Variants in TAF4B observed in about 807,000 individuals in gnomAD.
TAF4B encodes TATA-box binding protein associated factor 4b.
In TAF4B, 38 loss-of-function variants were observed where a neutral mutation model predicts 86.4. The ratio of observed to expected loss-of-function variants is 0.44; its 90% CI spans 0.34 to 0.58. The LOEUF (loss-of-function observed/expected upper bound fraction) is 0.58, where lower values mean the gene tolerates loss of function less well. TAF4B is among the 20% of genes least tolerant of loss of function. The pLI is 0.02. For missense variants in TAF4B, 988 were observed against 1,027.6 expected (o/e 0.96, Z 0.53); for synonymous variants, 388 against 391.2 (o/e 0.99, Z 0.10).
chr18:26,346,857 A>ATGTGTGTG (rs1296161066), intron 13 of TAF4B, among the ~76,000 whole-genome samples: 1 of 9,844 alleles, frequency 1.0e-4, no homozygotes, highest in African/African-American at 2.1e-4. Flanking sequence ...ATATATATAT[A>ATGTGTGTG]TGTGTATATA....
intron 1 of TAF4B, chr18:26,255,788 G>C (rs1293069298): frequency 9.2e-6 from 14 of 1,513,958 alleles, no homozygotes; most frequent in Admixed American, 8.4e-5. Context: ...AAGGCTTGAA[G>C]AGATGTGTGT....
intron 5 of TAF4B, among the ~76,000 whole-genome samples, chr18:26,279,974 G>T (rs1197690303): frequency 6.6e-6 from 1 of 152,028 alleles, no homozygotes; most frequent in East Asian, 1.9e-4. Flanking sequence ...AACCTGGGAG[G>T]GGGAGGTTGC....
intron 1 of TAF4B, among the ~76,000 whole-genome samples, chr18:26,255,467 G>T (rs182989423): frequency 1.4e-4 from 22 of 152,048 alleles, no homozygotes; most frequent in Non-Finnish European, 2.5e-4. Flanking sequence ...GCTGGGTCTG[G>T]TGGTGGGCAC....
chr18:26,319,847 C>G (rs1158841481), intron 10 of TAF4B, among the ~76,000 whole-genome samples: 1 of 152,132 alleles, frequency 6.6e-6, no homozygotes, highest in Non-Finnish European at 1.5e-5. Context: ...GCCTTGGCCT[C>G]CCAAAGTGCT....
At chr18:26,363,397 A>G (rs1347427191) in intron 14 of TAF4B, among the ~76,000 whole-genome samples, 2 of 91,700 alleles carry the variant, frequency 2.2e-5, no homozygotes, top group African/African-American at 8.6e-5. Flanking sequence ...AAAAAAAAAA[A>G]AGGCAGCGCG....
At chr18:26,346,797 A>ATATGTG (rs1555623653) in intron 13 of TAF4B, among the ~76,000 whole-genome samples, 1 of 21,384 alleles carries the variant, frequency 4.7e-5, no homozygotes. Context: ...ATATATATAT[A>ATATGTG]TGTGTATATA....
In TAF4B at chr18:26,321,262, G is replaced by T. The variant is rs931507444; in HGVS notation, c.2133+62G>T. ...TGTTATAGGTAGTCTTTTGGGCGTG[G>T]ATTGATATTCTAAACACGTTTTTAA... On this transcript the variant is annotated intron_variant, in intron 11 of 14. Transcript: ENST00000269142. 80 of 1,565,856 alleles carry T rather than the reference G, an allele frequency of 5.1e-5. No homozygotes were observed. The African/African-American group carries it at 9.4e-4, about 18-fold the overall frequency.
At chr18:26,388,284 T>C (rs1978495178) in intron 14 of TAF4B, among the ~76,000 whole-genome samples, 1 of 152,238 alleles carries the variant, frequency 6.6e-6, no homozygotes, top group Admixed American at 6.5e-5. Context: ...TTCATATTGG[T>C]AAACATATTC....
chr18:26,265,073 T>A (rs988315150), intron 1 of TAF4B, 97 bp from the exon 2 acceptor site: 4 of 1,291,900 alleles, frequency 3.1e-6, no homozygotes, highest in Non-Finnish European at 4.2e-6. Flanking sequence ...TGAAGACATC[T>A]TTTTAAAGTG....
At chr18:26,298,510 G>A (rs545127172) in intron 9 of TAF4B, among the ~76,000 whole-genome samples, 1 of 152,048 alleles carries the variant, frequency 6.6e-6, no homozygotes, top group Non-Finnish European at 1.5e-5. Context: ...GGGATTACAG[G>A]TGTGAGCCAC....
chr18:26,237,796 A>G (rs1234468287), intron 1 of TAF4B, among the ~76,000 whole-genome samples: 1 of 152,098 alleles, frequency 6.6e-6, no homozygotes, highest in Non-Finnish European at 1.5e-5. Flanking sequence ...TCAGAGAGAG[A>G]ATACTGGGGC....
At chr18:26,290,106 GT>G (rs2056574073) in intron 7 of TAF4B, among the ~76,000 whole-genome samples, 1 of 152,114 alleles carries the variant, frequency 6.6e-6, no homozygotes, top group South Asian at 2.1e-4. Context: ...TAAACTATGT[GT>G]ATTCGGGGAG....
At chr18:26,284,478 G>T (rs898141407) in intron 6 of TAF4B, among the ~76,000 whole-genome samples, 1 of 152,154 alleles carries the variant, frequency 6.6e-6, no homozygotes, top group Non-Finnish European at 1.5e-5. Flanking sequence ...ATCTCTGTTG[G>T]CTAAACAAAT....
intron 1 of TAF4B, among the ~76,000 whole-genome samples, chr18:26,262,569 G>C (rs1180185664): frequency 6.6e-6 from 1 of 151,364 alleles, no homozygotes; most frequent in Non-Finnish European, 1.5e-5. Flanking sequence ...CCACCTCCCA[G>C]TTTCAAGCGA....
intron 7 of TAF4B, among the ~76,000 whole-genome samples, chr18:26,287,769 A>G (rs555382871): frequency 2.1e-4 from 32 of 152,310 alleles, no homozygotes; most frequent in Middle Eastern, 6.8e-3. Context: ...TTTTATCAGA[A>G]TAAGAGGTAT....
chr18:26,294,633 TG>T (rs2056638321), intron 9 of TAF4B, among the ~76,000 whole-genome samples: 1 of 122,192 alleles, frequency 8.2e-6, no homozygotes, highest in African/African-American at 2.6e-5. Flanking sequence ...ATATAACATT[TG>T]TATATATATG....
chr18:26,371,011 T>C (rs1265696276), intron 14 of TAF4B, among the ~76,000 whole-genome samples: 1 of 152,170 alleles, frequency 6.6e-6, no homozygotes, highest in African/African-American at 2.4e-5. Context: ...GATATTCATT[T>C]TATCAAAGCT....
In TAF4B at chr18:26,243,572, C is replaced by G. The variant is rs1009654938; in HGVS notation, c.343+16296C>G. ...GTGTGTTATTACTGGTCGTCTGAAG[C>G]CTTCTTCTCTCAACTCATCAAAGTC... On this transcript the variant is annotated intron_variant, in intron 1 of 14. Transcript: ENST00000269142. Among the ~76,000 whole-genome samples, 6 of 152,196 alleles carry G rather than the reference C, an allele frequency of 3.9e-5. No homozygotes were observed. The East Asian group carries it at 1.2e-3, about 29-fold the overall frequency.
intron 12 of TAF4B, among the ~76,000 whole-genome samples, chr18:26,333,355 G>T (rs2057066538): frequency 6.6e-6 from 1 of 150,410 alleles, no homozygotes; most frequent in Admixed American, 6.6e-5. Flanking sequence ...CAAGTAGTTG[G>T]GACTACAGGT....
Sources: allele counts gnomAD v4.1 joint callset (sites outside exome capture counted in the v4.1 genomes callset), GRCh38; gene constraint gnomAD v4.1.1; transcripts MANE v1.5; gene names NCBI Gene and HGNC (gene_info 2026-07-23, HGNC 2026-07-21).